Variants in DLGAP2 observed in about 807,000 individuals in gnomAD.
The protein encoded by DLGAP2 is disks large-associated protein 2.
DLGAP2 carries 26 observed loss-of-function variants against 100.3 expected under a neutral mutation model. The observed-to-expected ratio is 0.26, with a 90% confidence interval of 0.19 to 0.36. The LOEUF (loss-of-function observed/expected upper bound fraction) is 0.36. Among genes scored for constraint, DLGAP2 ranks in the 10% least tolerant of loss-of-function variants. DLGAP2 has a pLI of 1.00. For synonymous variants in DLGAP2, 886 were observed against 630.1 expected (o/e 1.41, Z -6.08); for missense variants, 1,858 against 1,453.2 (o/e 1.28, Z -4.53).
chr8:1,135,750 G>C (rs1006774818), intron 2 of DLGAP2, among the ~76,000 whole-genome samples: 4 of 152,116 alleles, frequency 2.6e-5, no homozygotes, highest in African/African-American at 4.8e-5. Context: ...CCGATGCAGA[G>C]GATGGCCACT....
intron 2 of DLGAP2, among the ~76,000 whole-genome samples, chr8:1,147,675 G>C (rs1401190361): frequency 6.6e-6 from 1 of 151,782 alleles, no homozygotes; most frequent in Non-Finnish European, 1.5e-5. Context: ...GAGACTAAAG[G>C]CAAGTTCCAC....
intron 2 of DLGAP2, among the ~76,000 whole-genome samples, chr8:1,199,993 C>T (rs1797835766): frequency 6.6e-6 from 1 of 152,022 alleles, no homozygotes; most frequent in Admixed American, 6.6e-5. Flanking sequence ...TCTGTGCATC[C>T]CCGGGGGTCC....
At chr8:942,743 G>A (rs916173605) in intron 2 of DLGAP2, among the ~76,000 whole-genome samples, 6 of 152,232 alleles carry the variant, frequency 3.9e-5, no homozygotes, top group African/African-American at 1.4e-4. Flanking sequence ...ACCAACTACA[G>A]ACTTGGTGAT....
intron 2 of DLGAP2, among the ~76,000 whole-genome samples, chr8:1,192,663 C>CTT (rs200041273): frequency 2.2e-3 from 298 of 138,168 alleles, no homozygotes; most frequent in African/African-American, 3.2e-3. Context: ...TATCTGGTTT[C>CTT]TTTTTTTTTT....
intron 2 of DLGAP2, among the ~76,000 whole-genome samples, chr8:1,223,058 G>T (rs1216555470): frequency 6.6e-6 from 1 of 152,164 alleles, no homozygotes; most frequent in Non-Finnish European, 1.5e-5. Context: ...ACTTCTCCCT[G>T]CCAGCTCAGA....
intron 3 of DLGAP2, among the ~76,000 whole-genome samples, chr8:1,448,650 C>T (rs1035393971): frequency 5.3e-5 from 8 of 152,142 alleles, no homozygotes; most frequent in East Asian, 1.9e-4. Context: ...CAAAATAATA[C>T]GGCTAAATAA....
intron 3 of DLGAP2, among the ~76,000 whole-genome samples, chr8:1,487,429 G>A (rs1276919671): frequency 6.6e-6 from 1 of 152,188 alleles, no homozygotes; most frequent in Non-Finnish European, 1.5e-5. Context: ...AATAAAAATA[G>A]TATATTGGCT....
chr8:1,676,911 G>C (rs73174772), intron 11 of DLGAP2, among the ~76,000 whole-genome samples: 4,367 of 152,334 alleles, frequency 0.029, 89 homozygotes, highest in South Asian at 0.064. Context: ...AAGAAGGACG[G>C]GCTGAGGGTG....
At chr8:1,307,186 A>ACTCAG (rs923667204) in intron 3 of DLGAP2, among the ~76,000 whole-genome samples, 26 of 152,020 alleles carry the variant, frequency 1.7e-4, no homozygotes, top group African/African-American at 6.0e-4. Flanking sequence ...AATAACTACA[A>ACTCAG]CAGCAAAATA....
intron 2 of DLGAP2, among the ~76,000 whole-genome samples, chr8:973,812 C>T (rs1410570420): frequency 1.3e-5 from 2 of 151,542 alleles, no homozygotes; most frequent in Admixed American, 6.6e-5. Flanking sequence ...GGGCTCGGGC[C>T]CGTGGCCCCG....
intron 1 of DLGAP2, among the ~76,000 whole-genome samples, chr8:811,190 C>T (rs1796363647): frequency 6.6e-6 from 1 of 152,254 alleles, no homozygotes; most frequent in Admixed American, 6.5e-5. Flanking sequence ...TGATTCAAGT[C>T]TGTGAAACCG....
intron 2 of DLGAP2, among the ~76,000 whole-genome samples, chr8:990,259 C>G (rs1800620555): frequency 6.6e-6 from 1 of 151,980 alleles, no homozygotes; most frequent in African/African-American, 2.4e-5. Context: ...GTGCCCAAGT[C>G]CTGCGCTGCA....
chr8:1,414,617 C>A (rs568946715), intron 3 of DLGAP2, among the ~76,000 whole-genome samples: 1 of 152,192 alleles, frequency 6.6e-6, no homozygotes. Flanking sequence ...CGGAGCTGCC[C>A]GGCAGCTGTC....
chr8:1,204,302 C>T (rs1356209111), intron 2 of DLGAP2, among the ~76,000 whole-genome samples: 6 of 152,178 alleles, frequency 3.9e-5, no homozygotes, highest in African/African-American at 7.2e-5. Flanking sequence ...CTTCTGAGAT[C>T]GGAAGTTCTC....
intron 2 of DLGAP2, among the ~76,000 whole-genome samples, chr8:1,058,435 T>A (rs1383885596): frequency 6.6e-6 from 1 of 152,160 alleles, no homozygotes; most frequent in Non-Finnish European, 1.5e-5. Context: ...CATCGTCCAG[T>A]TCAATCATCA....
At chr8:777,666 T>C (rs1821562719) in intron 1 of DLGAP2, among the ~76,000 whole-genome samples, 1 of 152,190 alleles carries the variant, frequency 6.6e-6, no homozygotes, top group Non-Finnish European at 1.5e-5. Context: ...TTTGAGAATG[T>C]TGAATATTGG....
intron 2 of DLGAP2, among the ~76,000 whole-genome samples, chr8:1,175,161 T>C (rs757963678): frequency 1.3e-4 from 20 of 152,204 alleles, no homozygotes; most frequent in Non-Finnish European, 2.2e-4. Context: ...TTAAAATTTA[T>C]CTGATGACAT....
In DLGAP2 at chr8:1,678,253, C is replaced by T. The variant is rs774963491; in HGVS notation, c.2328C>T (p.Ala776=). The change falls in exon 12 of 15, where the codon GCC becomes GCT. Residue 776 remains alanine, a synonymous_variant. Coordinates refer to ENST00000637795, the MANE Select transcript of DLGAP2 (RefSeq NM_001346810.2). The part of the protein sequence containing the change: ...RFKRSNSVTA[A]VQADLELEGF... ...AACGTTCTAACAGCGTCACGGCCGCCGTCCAAGCTGACCTGGAGCTGGAGG... is the reference window on the plus strand; with the variant it reads ...AACGTTCTAACAGCGTCACGGCCGCTGTCCAAGCTGACCTGGAGCTGGAGG... 2.3e-5 allele frequency: 37 copies of T among 1,613,644 alleles called. No homozygotes were observed. Among genetic ancestry groups the T allele is most frequent in the East Asian group, 2.2e-4 (10 of 44,884 alleles).
intron 5 of DLGAP2, among the ~76,000 whole-genome samples, chr8:1,554,959 T>A (rs1801908999): frequency 6.6e-6 from 1 of 152,178 alleles, no homozygotes; most frequent in African/African-American, 2.4e-5. Flanking sequence ...TTGGTTCCTA[T>A]CCTTAGCGAT....
Sources: gnomAD v4.1 joint callset for allele counts (sites outside exome capture counted in the v4.1 genomes callset) on GRCh38, gnomAD v4.1.1 for gene constraint, MANE v1.5 for transcripts, NCBI Gene and HGNC (gene_info 2026-07-23, HGNC 2026-07-21) for gene names.